The following ZNF350 variants were observed in gnomAD, a reference collection of about 807,000 sequenced individuals.
ZNF350 encodes the protein zinc finger protein 350, also known as KRAB zinc finger protein ZFQR.
In ZNF350, 5 loss-of-function variants were observed where a neutral mutation model predicts 13.1. That is an observed-to-expected ratio of 0.38 (90% CI 0.20 to 0.80). ZNF350 has a LOEUF of 0.80. Among genes scored for constraint, ZNF350 ranks in the 30% least tolerant of loss-of-function variants. The probability of loss-of-function intolerance (pLI) is 0.43; values close to 1 mark genes in which losing one functional copy is unlikely to be tolerated. For missense variants in ZNF350, 534 were observed against 644.2 expected (o/e 0.83, Z 1.85); for synonymous variants, 199 against 224.2 (o/e 0.89, Z 1.00).
chr19:51,983,484 T>G (rs574367396), intron 1 of ZNF350, among the ~76,000 whole-genome samples: 2 of 152,142 alleles, frequency 1.3e-5, no homozygotes, highest in Non-Finnish European at 2.9e-5. Context: ...AATGTCCCGG[T>G]ATAAAACCCA....
intron 4 of ZNF350, 95 bp from the exon 5 acceptor site, chr19:51,966,309 A>C (rs1479727625): frequency 1.5e-6 from 2 of 1,297,928 alleles, no homozygotes; most frequent in East Asian, 4.9e-5. Flanking sequence ...TTTAAGATGG[A>C]GTTTTACTCC....
chr19:51,978,716 G>A lies in ZNF350; in HGVS notation c.-171-4185C>T, dbSNP rs908379998. ...GGATGGGCACATCAAACATTACAAC[G>A]CATGTTGAAAAAACAAAAAGGGGGT... On this transcript the variant is annotated intron_variant, in intron 1 of 4. Coordinates refer to ENST00000243644, the MANE Select transcript of ZNF350 (RefSeq NM_021632.4). Among the ~76,000 whole-genome samples, 10 of 152,134 alleles carry A rather than the reference G, an allele frequency of 6.6e-5. No homozygotes were observed. In the East Asian group the frequency reaches 1.2e-3, roughly 18 times the overall value.
intron 2 of ZNF350, chr19:51,972,947 CT>C (rs375399970): frequency 0.021 from 2,694 of 129,464 alleles, 49 homozygotes; most frequent in African/African-American, 0.063. Context: ...CAGCCAGAAA[CT>C]TTTTTTTTTT....
At position 51,966,697 on chromosome 19, in the gene ZNF350, G is replaced by A. The variant is rs192327500; in HGVS notation, c.239-483C>T. Among the ~76,000 whole-genome samples, 280 of 151,508 alleles carry A rather than the reference G, an allele frequency of 1.8e-3. 1 individual carries two copies. The highest frequency in any genetic ancestry group is 3.0e-3 in the Non-Finnish European group (204 of 67,916). On this transcript the variant is annotated intron_variant, in intron 4 of 4. Coordinates refer to ENST00000243644, the MANE Select transcript of ZNF350 (RefSeq NM_021632.4). ...GAGTCTCACTCTGTAGCCCAGGCTG[G>A]AGTGCAGTGACATGATCCCGGCTCA...
chr19:51,966,384 A>C (rs1360011840), intron 4 of ZNF350, among the ~76,000 whole-genome samples, 170 bp from the exon 5 acceptor site: 2 of 150,208 alleles, frequency 1.3e-5, no homozygotes, highest in African/African-American at 4.9e-5. Flanking sequence ...CCCGGGTTCA[A>C]GGGATTCTCC....
At chr19:51,978,821 G>A (rs2122940053) in intron 1 of ZNF350, among the ~76,000 whole-genome samples, 1 of 152,286 alleles carries the variant, frequency 6.6e-6, no homozygotes, top group East Asian at 1.9e-4. Context: ...GGTATGGATG[G>A]TAAGACTCCA....
At chr19:51,969,656 C>A (rs549645971) in intron 2 of ZNF350, among the ~76,000 whole-genome samples, 1 of 151,782 alleles carries the variant, frequency 6.6e-6, no homozygotes. Context: ...ACATGAGACC[C>A]CATCTGTACA....
In ZNF350 at chr19:51,964,681, A is replaced by G; in HGVS notation, c.*173T>C. ...TGACACAGTCGAGCAATTGCTGTGT[A>G]TGTGCTTAGGTTAACATCAAATTTG... On this transcript the variant is annotated 3_prime_UTR_variant, in exon 5 of 5. Transcript: ENST00000243644. 1 of 674,544 alleles carries G rather than the reference A, an allele frequency of 1.5e-6. No individual in the cohort carries two copies. Among genetic ancestry groups the G allele is most frequent in the Non-Finnish European group, 2.4e-6 (1 of 415,976 alleles). The allele number at this position is 674,544 out of a possible 1,614,324, so 41.8% of individuals were successfully genotyped here.
In ZNF350 at chr19:51,964,845, G is replaced by A. The variant is rs1278659043; in HGVS notation, c.*9C>T. 2.5e-6 allele frequency: 4 copies of A among 1,599,284 alleles called. No homozygotes were observed. The South Asian group carries it at 4.5e-5, about 18-fold the overall frequency. The stretch of plus-strand genomic sequence containing the variant: ...TCAACCCTTTTCCACATAGATCTGA[G>A]TTTTCTTCCTATGGGTTTTCTGTAA... On this transcript the variant is annotated 3_prime_UTR_variant, in exon 5 of 5. Coordinates refer to ENST00000243644, the MANE Select transcript of ZNF350 (RefSeq NM_021632.4).
At chr19:51,985,209 A>G (rs897144952) in intron 1 of ZNF350, among the ~76,000 whole-genome samples, 2 of 152,298 alleles carry the variant, frequency 1.3e-5, no homozygotes, top group African/African-American at 4.8e-5. Flanking sequence ...CATACCAAAC[A>G]GTTTACCTCC....
Position 51,965,510 on chromosome 19 carries a change from C to T in ZNF350, c.943G>A (p.Glu315Lys). The change falls in exon 5 of 5, where the codon GAG becomes AAG. Residue 315 changes from glutamate (E) to lysine (K), a missense_variant. Coordinates refer to ENST00000243644, the MANE Select transcript of ZNF350 (RefSeq NM_021632.4). ...CATTCATTGCATATATAAGGTTTCT[C>T]ACCTGTATGAATTCGCTGGTGTACA... is the stretch of plus-strand genomic sequence containing the variant. ...LIVHQRIHTG[E>K]KPYICNECGK... The T allele has an allele frequency of 6.2e-7, 1 of 1,614,180 alleles. No homozygotes were observed. The highest frequency in any genetic ancestry group is 8.5e-7 in the Non-Finnish European group (1 of 1,180,020).
chr19:51,981,559 C>A (rs1183525858), intron 1 of ZNF350, among the ~76,000 whole-genome samples: 1 of 152,038 alleles, frequency 6.6e-6, no homozygotes, highest in Non-Finnish European at 1.5e-5. Flanking sequence ...TCCCCACATG[C>A]GGTTATTATA....
Position 51,965,113 on chromosome 19 carries a change from G to A in ZNF350, c.1340C>T (p.Thr447Ile). 1.9e-6 allele frequency: 3 copies of A among 1,614,200 alleles called. No homozygotes were observed. Among genetic ancestry groups the A allele is most frequent in the Non-Finnish European group, 2.5e-6 (3 of 1,180,032 alleles). ...GTTTTTCTCCTGCATGACATCACTG[G>A]TGTGTAATGAGCTGTGCCTCTCTGC... ...PPAERHSSLH[T>I]SDVMQEKNSA... The change falls in exon 5 of 5, where the codon ACC becomes ATC. Residue 447 changes from threonine (T) to isoleucine (I), a missense_variant. Physicochemically the swap from Thr to Ile is moderately conservative, Grantham distance 89. Transcript: ENST00000243644.
At chr19:51,972,712 T>TAG (rs2122904239) in intron 2 of ZNF350, among the ~76,000 whole-genome samples, 1 of 143,042 alleles carries the variant, frequency 7.0e-6, no homozygotes, top group South Asian at 2.3e-4. Flanking sequence ...AATACATATA[T>TAG]AGACATAGAT....
chr19:51,968,516 C>T (rs2278417), intron 4 of ZNF350, 62 bp downstream of exon 4: 431,144 of 1,439,326 alleles, frequency 0.3, 72,684 homozygotes, highest in African/African-American at 0.63. Flanking sequence ...CACAGCTGTG[C>T]TGCCTTCTCT....
chr19:51,982,998 A>G (rs568994178), intron 1 of ZNF350, among the ~76,000 whole-genome samples: 1 of 152,198 alleles, frequency 6.6e-6, no homozygotes, highest in Non-Finnish European at 1.5e-5. Flanking sequence ...TACTGTGTCT[A>G]TATAGAAAGA....
chr19:51,981,258 C>CCT (rs1555766662), intron 1 of ZNF350: 1 of 15,272 alleles, frequency 6.5e-5, no homozygotes, highest in Non-Finnish European at 1.1e-4. Flanking sequence ...CCTTCTTCCA[C>CCT]CCCCCCACCC....
At chr19:51,985,563 A>G (rs1381839180) in intron 1 of ZNF350, among the ~76,000 whole-genome samples, 3 of 152,204 alleles carry the variant, frequency 2.0e-5, no homozygotes, top group African/African-American at 7.2e-5. Context: ...AGCAATGGCA[A>G]TTGGAACCAG....
intron 4 of ZNF350, 24 bp downstream of exon 4, chr19:51,968,554 C>T: frequency 6.2e-7 from 1 of 1,606,196 alleles, no homozygotes; most frequent in Non-Finnish European, 8.5e-7. Context: ...CTTCCATAGC[C>T]TTCTGTCTTG....
Sources: gnomAD v4.1 joint callset for allele counts (sites outside exome capture counted in the v4.1 genomes callset) on GRCh38, gnomAD v4.1.1 for gene constraint, MANE v1.5 for transcripts, NCBI Gene and HGNC (gene_info 2026-07-23, HGNC 2026-07-21) for gene names.